The following STX8 variants were observed in gnomAD, a reference collection of about 807,000 sequenced individuals.
STX8 encodes the protein syntaxin 8.
In STX8, 23 loss-of-function variants were observed where a neutral mutation model predicts 37.5. The ratio of observed to expected loss-of-function variants is 0.61; its 90% CI spans 0.44 to 0.87. The LOEUF (loss-of-function observed/expected upper bound fraction) is 0.87. Among genes scored for constraint, STX8 ranks in the 40% least tolerant of loss-of-function variants. The probability of loss-of-function intolerance (pLI) is 0.00; values close to 1 mark genes in which losing one functional copy is unlikely to be tolerated. For missense variants in STX8, 313 were observed against 284.7 expected (o/e 1.10, Z -0.71); for synonymous variants, 115 against 99.1 (o/e 1.16, Z -0.95).
chr17:9,384,126 A>ATTT (rs11288399), intron 6 of STX8, among the ~76,000 whole-genome samples: 8 of 139,552 alleles, frequency 5.7e-5, no homozygotes, highest in African/African-American at 1.1e-4. Context: ...CTCATTTGTT[A>ATTT]TTTTTTTTTT....
At chr17:9,377,355 C>T (rs1023924968) in intron 7 of STX8, among the ~76,000 whole-genome samples, 1 of 151,688 alleles carries the variant, frequency 6.6e-6, no homozygotes, top group East Asian at 1.9e-4. Flanking sequence ...AGTGGAAGTA[C>T]AGTAAGACAA....
chr17:9,541,395 CAGA>C (rs1283367521), intron 4 of STX8, among the ~76,000 whole-genome samples: 1 of 152,160 alleles, frequency 6.6e-6, no homozygotes, highest in Non-Finnish European at 1.5e-5. Context: ...GCACGAGGGA[CAGA>C]AGATCTCCGA....
intron 6 of STX8, among the ~76,000 whole-genome samples, chr17:9,440,628 G>A (rs371889304): frequency 9.9e-5 from 15 of 151,622 alleles, no homozygotes; most frequent in Middle Eastern, 3.4e-3. Context: ...GGGTTCAAGC[G>A]ATTCTCCCAC....
intron 4 of STX8, among the ~76,000 whole-genome samples, chr17:9,531,680 G>C (rs1280707465): frequency 1.3e-5 from 2 of 152,174 alleles, no homozygotes; most frequent in East Asian, 1.9e-4. Context: ...GAGGGTCTTA[G>C]AATGTGTCCT....
chr17:9,419,397 G>A (rs11078799), intron 6 of STX8, among the ~76,000 whole-genome samples: 48,679 of 151,980 alleles, frequency 0.32, 9,255 homozygotes, highest in East Asian at 0.62. Flanking sequence ...AGAATTAATG[G>A]TTTTTAATTT....
At chr17:9,521,039 T>C (rs753640146) in intron 4 of STX8, among the ~76,000 whole-genome samples, 25 of 152,318 alleles carry the variant, frequency 1.6e-4, no homozygotes, top group Admixed American at 3.3e-4. Flanking sequence ...TATAAAAGGG[T>C]AATTCCTTTT....
intron 7 of STX8, among the ~76,000 whole-genome samples, chr17:9,376,142 T>A (rs1387320112): frequency 6.6e-6 from 1 of 152,120 alleles, no homozygotes; most frequent in African/African-American, 2.4e-5. Flanking sequence ...GACTTCTGGG[T>A]CGGGTGGGGA....
rs188030541 is a variant in STX8, at chr17:9,515,213, A to G, written c.324-10051T>C. 2.8e-3 allele frequency among the ~76,000 whole-genome samples: 423 copies of G among 149,316 alleles called. 1 individual carries two copies. Among genetic ancestry groups the G allele is most frequent in the Non-Finnish European group, 4.3e-3 (295 of 68,028 alleles). On this transcript the variant is annotated intron_variant, in intron 4 of 7. Transcript: ENST00000306357. ...GTTAACTACTATCATAATACCAATT[A>G]TTGCATTTTTTTACACAGAAGGCAC...
chr17:9,453,139 T>C (rs1905093781), intron 6 of STX8, among the ~76,000 whole-genome samples: 1 of 152,098 alleles, frequency 6.6e-6, no homozygotes, highest in Non-Finnish European at 1.5e-5. Context: ...TTCTCATCTT[T>C]AGTACTCAGT....
At chr17:9,261,116 G>A (rs1461360209) in intron 7 of STX8, among the ~76,000 whole-genome samples, 1 of 152,196 alleles carries the variant, frequency 6.6e-6, no homozygotes, top group Non-Finnish European at 1.5e-5. Context: ...CTAGTGAAAG[G>A]CAGGTTCCTG....
intron 3 of STX8, among the ~76,000 whole-genome samples, chr17:9,550,621 T>C (rs551678902): frequency 1.3e-5 from 2 of 152,280 alleles, no homozygotes; most frequent in Non-Finnish European, 2.9e-5. Flanking sequence ...CCTGATTTCA[T>C]ATTACTGATA....
intron 7 of STX8, among the ~76,000 whole-genome samples, chr17:9,293,788 GTC>G (rs1247365022): frequency 1.3e-5 from 2 of 149,706 alleles, no homozygotes; most frequent in East Asian, 1.9e-4. Context: ...TTGAGATGGA[GTC>G]TCTGTCTGTC....
At chr17:9,351,639 T>G (rs1910710530) in intron 7 of STX8, among the ~76,000 whole-genome samples, 1 of 152,202 alleles carries the variant, frequency 6.6e-6, no homozygotes, top group Non-Finnish European at 1.5e-5. Context: ...TTTTAAAATC[T>G]GGAATCCGAT....
At chr17:9,445,541 G>A (rs1033204796) in intron 6 of STX8, among the ~76,000 whole-genome samples, 6 of 149,254 alleles carry the variant, frequency 4.0e-5, no homozygotes, top group Admixed American at 6.7e-5. Context: ...GAGGGCTCAC[G>A]GAATGAAGAG....
At chr17:9,390,970 G>A (rs1230820071) in intron 6 of STX8, among the ~76,000 whole-genome samples, 1 of 152,104 alleles carries the variant, frequency 6.6e-6, no homozygotes, top group African/African-American at 2.4e-5. Context: ...CTTTATTGGG[G>A]CAATGGCAGC....
chr17:9,511,178 C>T (rs570486693), intron 4 of STX8, among the ~76,000 whole-genome samples: 3 of 152,140 alleles, frequency 2.0e-5, no homozygotes, highest in African/African-American at 7.2e-5. Context: ...TTCTACCAAA[C>T]CTTTAAAGAA....
intron 3 of STX8, among the ~76,000 whole-genome samples, chr17:9,551,991 T>A (rs1314559900): frequency 6.6e-6 from 1 of 152,044 alleles, no homozygotes; most frequent in East Asian, 1.9e-4. Flanking sequence ...ACTTTTACTA[T>A]CATGGTGAAA....
At chr17:9,341,198 TTG>T (rs1910345585) in intron 7 of STX8, among the ~76,000 whole-genome samples, 1 of 151,954 alleles carries the variant, frequency 6.6e-6, no homozygotes, top group African/African-American at 2.4e-5. Context: ...TGGGCCCACA[TTG>T]CTACCTGGCA....
chr17:9,468,059 A>G (rs1462714320), intron 6 of STX8, among the ~76,000 whole-genome samples: 1 of 152,206 alleles, frequency 6.6e-6, no homozygotes, highest in Non-Finnish European at 1.5e-5. Context: ...AATGTAACAC[A>G]GCTATGGTTA....
Sources: allele counts gnomAD v4.1 joint callset (sites outside exome capture counted in the v4.1 genomes callset), GRCh38; gene constraint gnomAD v4.1.1; transcripts MANE v1.5; gene names NCBI Gene and HGNC (gene_info 2026-07-23, HGNC 2026-07-21).